TPR: variants seen among roughly 807,000 people sequenced by gnomAD.
The protein encoded by TPR is nucleoprotein TPR.
TPR carries 51 observed loss-of-function variants against 316.1 expected under a neutral mutation model. The observed-to-expected ratio is 0.16, with a 90% CI of 0.13 to 0.20. The LOEUF is 0.20. TPR is among the 10% of genes least tolerant of loss of function. The pLI, the probability that TPR is intolerant of heterozygous loss-of-function variation, is 1.00. For missense variants in TPR, 2,272 were observed against 2,754.8 expected (o/e 0.82, Z 3.92); for synonymous variants, 981 against 914.7 (o/e 1.07, Z -1.31).
intron 17 of TPR, 75 bp downstream of exon 17, chr1:186,355,335 C>G (rs896688397): frequency 7.4e-6 from 11 of 1,487,042 alleles, no homozygotes; most frequent in Non-Finnish European, 1.0e-5. Context: ...TGCAAATTAG[C>G]TCTTGAATTT....
At chr1:186,334,889 T>G (rs1658291698) in intron 35 of TPR, among the ~76,000 whole-genome samples, 179 bp downstream of exon 35, 1 of 151,830 alleles carries the variant, frequency 6.6e-6, no homozygotes, top group South Asian at 2.1e-4. Flanking sequence ...CTGATAGGAC[T>G]GAAAGTATGG....
At chr1:186,365,200 AT>A (rs1409166525) in intron 4 of TPR, among the ~76,000 whole-genome samples, 1 of 147,316 alleles carries the variant, frequency 6.8e-6, no homozygotes, top group African/African-American at 2.5e-5. Context: ...GGTTCATGTG[AT>A]TCTCATGACT....
chr1:186,347,256 G>A (rs1226368305), intron 22 of TPR, 36 bp downstream of exon 22: 2 of 1,604,238 alleles, frequency 1.2e-6, no homozygotes, highest in Non-Finnish European at 1.7e-6. Context: ...TAACAAATGT[G>A]TTGAGATTGA....
chr1:186,367,991 T>C lies in TPR; in HGVS notation c.331-9A>G, dbSNP rs1659397412. ...GTTCTTGTAAATTGGCTCTGTCATA[T>C]AAAGAAGTAATAAGTAAGAAAATCA... is the stretch of plus-strand genomic sequence containing the variant. On this transcript the variant is annotated splice_polypyrimidine_tract_variant and intron_variant, in intron 3 of 50. Coordinates refer to ENST00000367478, the MANE Select transcript of TPR (RefSeq NM_003292.3). 1 of 1,595,800 alleles carries C rather than the reference T, an allele frequency of 6.3e-7. No individual in the cohort carries two copies. The highest frequency in any genetic ancestry group is 2.2e-5 in the East Asian group (1 of 44,652).
intron 42 of TPR, 96 bp downstream of exon 42, chr1:186,325,668 A>G (rs1042562697): frequency 1.3e-5 from 13 of 988,164 alleles, no homozygotes; most frequent in Non-Finnish European, 1.8e-5. Flanking sequence ...CTTTTTACCA[A>G]TTCAATAAAT....
chr1:186,313,047 C>T lies in TPR; in HGVS notation c.*924G>A. 3.7e-6 allele frequency: 3 copies of T among 812,640 alleles called. No homozygotes were observed. The highest frequency in any genetic ancestry group is 5.9e-6 in the Non-Finnish European group (3 of 509,720). The allele number at this position is 812,640 out of a possible 1,614,324, so 50.3% of individuals were successfully genotyped here. A position where few individuals can be genotyped will look rare whatever the true frequency, so the allele number is the denominator to read the frequency against. On this transcript the variant is annotated 3_prime_UTR_variant, in exon 51 of 51. Coordinates refer to ENST00000367478, the MANE Select transcript of TPR (RefSeq NM_003292.3). ...CTGTGGAAAAGAGTTAAGACTTTTGCTTTAATTTCAATTAAAATGATGGCA... is the reference window on the plus strand; with the variant it reads ...CTGTGGAAAAGAGTTAAGACTTTTGTTTTAATTTCAATTAAAATGATGGCA...
chr1:186,320,283 T>G, intron 46 of TPR, 29 bp downstream of exon 46: 1 of 1,565,238 alleles, frequency 6.4e-7, no homozygotes. Context: ...ACATACAAAT[T>G]CAGGGGATCT....
intron 18 of TPR, among the ~76,000 whole-genome samples, chr1:186,352,461 TA>T (rs1322515654): frequency 6.6e-6 from 1 of 152,232 alleles, no homozygotes; most frequent in Non-Finnish European, 1.5e-5. Context: ...TTAAATTATG[TA>T]ACTTTTAGAA....
At chr1:186,357,246 C>T in intron 14 of TPR, 151 bp downstream of exon 14, 1 of 688,808 alleles carries the variant, frequency 1.5e-6, no homozygotes, top group Non-Finnish European at 2.4e-6. Context: ...CATGGTCTCA[C>T]TATGTCGTCC....
rs117965432 is a variant in TPR, at chr1:186,349,520, C to T, written c.2776+703G>A. ...AAAAAAATACAAAAAATGAGCTGTG[C>T]GTTGTGGCGGCCGCCTGTAGTCCCA... On this transcript the variant is annotated intron_variant, in intron 21 of 50. Transcript: ENST00000367478. 2.0e-3 allele frequency among the ~76,000 whole-genome samples: 306 copies of T among 151,526 alleles called. 3 individuals carry two copies. In the East Asian group the frequency reaches 0.039, roughly 20 times the overall value.
intron 2 of TPR, among the ~76,000 whole-genome samples, 171 bp from the exon 3 acceptor site, chr1:186,371,214 T>C (rs1000166888): frequency 6.6e-6 from 1 of 152,172 alleles, no homozygotes; most frequent in South Asian, 2.1e-4. Context: ...ATTTACTGTG[T>C]TCTAGACCAA....
intron 27 of TPR, chr1:186,342,896 A>C (rs1283055337): frequency 6.5e-6 from 1 of 152,748 alleles, no homozygotes; most frequent in Non-Finnish European, 1.5e-5. Context: ...AGCAGTTTAA[A>C]TCACTTTATC....
At chr1:186,345,508 T>A in intron 24 of TPR, 72 bp downstream of exon 24, 3 of 1,206,096 alleles carry the variant, frequency 2.5e-6, no homozygotes, top group Non-Finnish European at 3.6e-6. Flanking sequence ...CCAGTTCTTA[T>A]AATGCATAAA....
intron 3 of TPR, among the ~76,000 whole-genome samples, chr1:186,368,698 A>G (rs1372729977): frequency 6.6e-6 from 1 of 152,226 alleles, no homozygotes; most frequent in African/African-American, 2.4e-5. Flanking sequence ...CAAGCTACCT[A>G]TGTCAGAACT....
In TPR at chr1:186,351,457, C is replaced by T. The variant is rs751401158; in HGVS notation, c.2483G>A (p.Arg828Gln). 9 of 1,607,582 alleles carry T rather than the reference C, an allele frequency of 5.6e-6. No individual in the cohort carries two copies. Among genetic ancestry groups the T allele is most frequent in the African/African-American group, 1.3e-5 (1 of 74,732 alleles). The stretch of plus-strand genomic sequence containing the variant: ...CCTTTGTTTGGTTTCTGTTTCAGAT[C>T]GCTCCAGTATTCCCTAAAGCAAAGA... ...NLQTIQGILERSETETKQRLS... is the reference protein window; with the variant it reads ...NLQTIQGILEQSETETKQRLS... Residue 828 changes from arginine (R) to glutamine (Q), a missense_variant, in exon 20 of 51, where the codon CGA becomes CAA. By Grantham distance (43) the Arg-to-Gln change is conservative. Transcript: ENST00000367478.
intron 23 of TPR, 131 bp from the exon 24 acceptor site, chr1:186,345,827 T>A: frequency 1.5e-6 from 1 of 687,448 alleles, no homozygotes; most frequent in Non-Finnish European, 2.4e-6. Context: ...CTGCTAAATT[T>A]AAAATGTTTA....
chr1:186,361,855 C>G lies in TPR; in HGVS notation c.804G>C (p.Gln268His), dbSNP rs771004009. 3.7e-6 allele frequency: 6 copies of G among 1,612,680 alleles called. No homozygotes were observed. In the Admixed American group the frequency reaches 1.0e-4, roughly 27 times the overall value. The stretch of plus-strand genomic sequence containing the variant: ...TGTGGAATTTCTCTTCCATACTGGC[C>G]TGTTGTTCCTTGGCCTGAAAAAAAT... ...LTKLKEAKEQQASMEEKFHNE... is the reference protein window; with the variant it reads ...LTKLKEAKEQHASMEEKFHNE... The change falls in exon 8 of 51, where the codon CAG becomes CAC. Residue 268 changes from glutamine to histidine, a missense_variant. Coordinates refer to ENST00000367478, the MANE Select transcript of TPR (RefSeq NM_003292.3).
Position 186,357,397 on chromosome 1 carries a change from T to C in TPR, c.1724A>G (p.Lys575Arg), listed in dbSNP as rs376571599. 4.6e-5 allele frequency: 74 copies of C among 1,613,508 alleles called. No homozygotes were observed. The highest frequency in any genetic ancestry group is 5.9e-5 in the Non-Finnish European group (70 of 1,179,878). ...EREEQETTSSKITELQLKLES... is the reference protein window; with the variant it reads ...EREEQETTSSRITELQLKLES... ...CAAGCTGAGGTATGTGACTACTTACTTGGATGAAGTTGTTTCTTGTTCTTC... is the reference window on the plus strand; with the variant it reads ...CAAGCTGAGGTATGTGACTACTTACCTGGATGAAGTTGTTTCTTGTTCTTC... Residue 575 changes from lysine (K) to arginine (R), a missense_variant and splice_region_variant, in exon 14 of 51, where the codon AAA becomes AGA. Physicochemically the swap from Lys to Arg is conservative, Grantham distance 26. Transcript: ENST00000367478.
chr1:186,346,057 A>G (rs988579565), intron 23 of TPR, 78 bp downstream of exon 23: 3 of 1,452,290 alleles, frequency 2.1e-6, no homozygotes, highest in Non-Finnish European at 2.8e-6. Context: ...GATGAACTAA[A>G]TGGCAACTAA....
Sources: allele counts gnomAD v4.1 joint callset (sites outside exome capture counted in the v4.1 genomes callset), GRCh38; gene constraint gnomAD v4.1.1; transcripts MANE v1.5; gene names NCBI Gene and HGNC (gene_info 2026-07-23, HGNC 2026-07-21).